Variants in TTLL6 observed in about 807,000 individuals in gnomAD.
TTLL6 encodes the protein tubulin polyglutamylase TTLL6.
In TTLL6, 75 loss-of-function variants were observed where a neutral mutation model predicts 96.4. The ratio of observed to expected loss-of-function variants is 0.78; its 90% CI spans 0.65 to 0.94. The LOEUF is 0.94. Ranked by LOEUF, TTLL6 falls within the 40% of genes least tolerant of loss-of-function variation. The probability of loss-of-function intolerance (pLI) is 0.00; values close to 1 mark genes in which losing one functional copy is unlikely to be tolerated. For missense variants in TTLL6, 1,030 were observed against 1,093.0 expected (o/e 0.94, Z 0.81); for synonymous variants, 411 against 419.4 (o/e 0.98, Z 0.24).
intron 3 of TTLL6, among the ~76,000 whole-genome samples, chr17:48,803,483 CA>C (rs201221997): frequency 1.1e-4 from 6 of 55,178 alleles, no homozygotes; most frequent in African/African-American, 2.6e-4. Context: ...GATTCCGTGT[CA>C]AAAAAAAAAA....
At position 48,790,079 on chromosome 17, in the gene TTLL6, C is replaced by T. The variant is rs141079712; in HGVS notation, c.1252G>A (p.Asp418Asn). 74 of 1,613,836 alleles carry T rather than the reference C, an allele frequency of 4.6e-5. No homozygotes were observed. In the African/African-American group the frequency reaches 7.9e-4, roughly 17 times the overall value. Residue 418 changes from aspartate to asparagine, a missense_variant, in exon 10 of 16, where the codon GAC becomes AAC. By Grantham distance (23) the Asp-to-Asn change is conservative. Coordinates refer to ENST00000393382, the MANE Select transcript of TTLL6 (RefSeq NM_001130918.3). ...EVNHSPSFST[D>N]SRLDKEVKDG... Reference sequence around the variant, plus strand: ...TTCACCTCTTTATCCAACCGAGAGTCGGTGGAGAAGCTTGGAGAGTGGTTG... The same window carrying T: ...TTCACCTCTTTATCCAACCGAGAGTTGGTGGAGAAGCTTGGAGAGTGGTTG...
At position 48,803,030 on chromosome 17, in the gene TTLL6, C is replaced by T. The variant is rs1381823918; in HGVS notation, c.361+861G>A. On this transcript the variant is annotated intron_variant, in intron 3 of 15. Coordinates refer to ENST00000393382, the MANE Select transcript of TTLL6 (RefSeq NM_001130918.3). ...TACTAAAACTACAAAATTAGCTGGG[C>T]GAGGTGGTGCATGCCTGTAATTCCA... 8.6e-5 allele frequency among the ~76,000 whole-genome samples: 13 copies of T among 151,848 alleles called. No homozygotes were observed. The South Asian group carries it at 1.9e-3, about 22-fold the overall frequency.
Position 48,797,195 on chromosome 17 carries a change from T to A in TTLL6, c.778A>T (p.Ile260Phe). ...CQLYISKPFIIDGFKFDLRIY... is the reference protein window; with the variant it reads ...CQLYISKPFIFDGFKFDLRIY... The stretch of plus-strand genomic sequence containing the variant: ...CGTAGGTCAAACTTAAACCCATCAA[T>A]GATAAAGGGCTGGAAGGAGAGAACA... The change falls in exon 7 of 16, where the codon ATT (isoleucine) becomes TTT (phenylalanine). Residue 260 changes from isoleucine (I) to phenylalanine (F), a missense_variant. By Grantham distance (21) the Ile-to-Phe change is conservative. Coordinates refer to ENST00000393382, the MANE Select transcript of TTLL6 (RefSeq NM_001130918.3). 1 of 1,550,314 alleles carries A rather than the reference T, an allele frequency of 6.5e-7. No individual in the cohort carries two copies.
chr17:48,785,926 G>A (rs2039082137), intron 12 of TTLL6, among the ~76,000 whole-genome samples: 2 of 152,202 alleles, frequency 1.3e-5, no homozygotes, highest in African/African-American at 4.8e-5. Flanking sequence ...CCTACTGGAG[G>A]AGGCAAGCAG....
chr17:48,790,711 G>A (rs980334166), intron 9 of TTLL6, among the ~76,000 whole-genome samples: 2 of 152,216 alleles, frequency 1.3e-5, no homozygotes, highest in Non-Finnish European at 2.9e-5. Flanking sequence ...ATGGAAGAAG[G>A]GCAAAGCTGC....
At chr17:48,772,309 A>AC (rs1429302127) in intron 13 of TTLL6, among the ~76,000 whole-genome samples, 4 of 152,134 alleles carry the variant, frequency 2.6e-5, no homozygotes, top group Non-Finnish European at 1.5e-5. Context: ...ACATAGCAAG[A>AC]CCATATTGCT....
chr17:48,813,317 A>AGGCCAAGGTG (rs1417019188), intron 1 of TTLL6, among the ~76,000 whole-genome samples: 1 of 142,810 alleles, frequency 7.0e-6, no homozygotes, highest in African/African-American at 2.6e-5. Context: ...GCACTTTCGG[A>AGGCCAAGGTG]GGCCAAGGTG....
In TTLL6 at chr17:48,762,746, C is replaced by G; in HGVS notation, c.*228G>C. 1 of 334,508 alleles carries G rather than the reference C, an allele frequency of 3.0e-6. No homozygotes were observed. Among genetic ancestry groups the G allele is most frequent in the South Asian group, 2.4e-5 (1 of 41,276 alleles). 20.7% of individuals were successfully genotyped at this position (334,508 alleles called of 1,614,324 possible). ...GTGTCCTGGGGCAGCACCAATCCAACCCCAGAAATCATGGTCCTGTAGCAC... is the reference window on the plus strand; with the variant it reads ...GTGTCCTGGGGCAGCACCAATCCAAGCCCAGAAATCATGGTCCTGTAGCAC... On this transcript the variant is annotated 3_prime_UTR_variant, in exon 16 of 16. Coordinates refer to ENST00000393382, the MANE Select transcript of TTLL6 (RefSeq NM_001130918.3).
chr17:48,772,729 CAAAA>C (rs34457188), intron 13 of TTLL6, among the ~76,000 whole-genome samples: 1 of 62,672 alleles, frequency 1.6e-5, no homozygotes, highest in Non-Finnish European at 3.4e-5. Context: ...GACTCCGTCT[CAAAA>C]AAAAAAAAAA....
chr17:48,773,885 C>A (rs1229290065), intron 13 of TTLL6, among the ~76,000 whole-genome samples: 1 of 151,044 alleles, frequency 6.6e-6, no homozygotes, highest in Non-Finnish European at 1.5e-5. Flanking sequence ...GAGTTCAAGA[C>A]CAGCCTGACC....
rs189634235 is a variant in TTLL6 at position 48,801,367 on chromosome 17, C to T, written c.499G>A (p.Gly167Arg). Residue 167 changes from glycine (G) to arginine (R), a missense_variant, in exon 5 of 16, where the codon GGG (glycine) becomes AGG (arginine). Gly to Arg is a moderately radical substitution (Grantham distance 125, BLOSUM62 -2). Transcript: ENST00000393382. ...TCCTTCCGGCAGATTTCACTCATCC[C>T]GGGGAAGTGATTGATCTTCTGGAAG... ...KSYQKINHFP[G>R]MSEICRKDLL... The T allele has an allele frequency of 2.4e-5, 37 of 1,551,578 alleles. No homozygotes were observed. The East Asian group carries it at 6.6e-4, about 28-fold the overall frequency.
At chr17:48,788,750 G>A (rs892371327) in intron 10 of TTLL6, among the ~76,000 whole-genome samples, 1 of 152,100 alleles carries the variant, frequency 6.6e-6, no homozygotes, top group Non-Finnish European at 1.5e-5. Flanking sequence ...GATTTCCTTA[G>A]CTTTCAGAAC....
At chr17:48,779,412 G>A (rs2143272418) in intron 13 of TTLL6, among the ~76,000 whole-genome samples, 1 of 149,588 alleles carries the variant, frequency 6.7e-6, no homozygotes. Flanking sequence ...CAAAGATATG[G>A]AGCTACGGAG....
At chr17:48,784,426 AGAG>A in intron 13 of TTLL6, among the ~76,000 whole-genome samples, 1 of 152,164 alleles carries the variant, frequency 6.6e-6, no homozygotes, top group Middle Eastern at 3.4e-3. Context: ...TAAGATACAC[AGAG>A]GAGAAGCACA....
chr17:48,795,028 G>A (rs779823090), intron 8 of TTLL6, among the ~76,000 whole-genome samples: 1 of 152,160 alleles, frequency 6.6e-6, no homozygotes, highest in Non-Finnish European at 1.5e-5. Context: ...TAGTGTTGCT[G>A]TGAAAAATTC....
At chr17:48,776,515 T>C (rs1486753831) in intron 13 of TTLL6, among the ~76,000 whole-genome samples, 2 of 152,226 alleles carry the variant, frequency 1.3e-5, no homozygotes, top group Non-Finnish European at 2.9e-5. Context: ...TCATTATTTC[T>C]ATATGCTAAG....
At chr17:48,769,597 A>T (rs1364797304) in intron 14 of TTLL6, 131 bp downstream of exon 14, 1 of 1,135,178 alleles carries the variant, frequency 8.8e-7, no homozygotes, top group African/African-American at 1.6e-5. Flanking sequence ...CCACCATCAG[A>T]CTGGGGTTTC....
chr17:48,808,291 CT>C lies in TTLL6; in HGVS notation c.104-3301del, dbSNP rs139302825. 9.8e-3 allele frequency among the ~76,000 whole-genome samples: 1,484 copies of C among 152,082 alleles called. 26 individuals are homozygous for C. The highest frequency in any genetic ancestry group is 0.033 in the African/African-American group (1,374 of 41,486). ...ATGCATTATCGCAGGTGAAGAAGGC[CT>C]TTTACTTACTTGGGGTTATTTTCTT... On this transcript the variant is annotated intron_variant, in intron 1 of 15. Transcript: ENST00000393382.
rs747799219 is a variant in TTLL6, at chr17:48,770,025, G to C, written c.2113C>G (p.Leu705Val). ...TACTCAGAGCTGGCGGTCACAGCCA[G>C]GGTTGGCGGAGACTTTGGGGAGATT... Reference protein sequence around the residue: ...LSISPKSPPTLAVTASSEYSG... With the variant: ...LSISPKSPPTVAVTASSEYSG... Residue 705 changes from leucine (L) to valine (V), a missense_variant, in exon 14 of 16, where the codon CTG becomes GTG. Physicochemically the swap from Leu to Val is conservative, Grantham distance 32 (BLOSUM62 1). Coordinates refer to ENST00000393382, the MANE Select transcript of TTLL6 (RefSeq NM_001130918.3). 2 of 1,614,188 alleles carry C rather than the reference G, an allele frequency of 1.2e-6. No homozygotes were observed. Among genetic ancestry groups the C allele is most frequent in the Non-Finnish European group, 1.7e-6 (2 of 1,180,030 alleles).
Sources: allele counts gnomAD v4.1 joint callset (sites outside exome capture counted in the v4.1 genomes callset), GRCh38; gene constraint gnomAD v4.1.1; transcripts MANE v1.5; gene names NCBI Gene and HGNC (gene_info 2026-07-23, HGNC 2026-07-21).